KDM3B: variants seen among roughly 807,000 people sequenced by gnomAD.
KDM3B encodes lysine demethylase 3B, also known as lysine-specific demethylase 3B.
A neutral mutation model predicts 170.0 loss-of-function variants in KDM3B; 10 were observed. The ratio of observed to expected loss-of-function variants is 0.06; its 90% CI spans 0.04 to 0.10. KDM3B has a LOEUF of 0.10. KDM3B is among the 10% of genes least tolerant of loss of function. The pLI is 1.00. For missense variants in KDM3B, 1,394 were observed against 2,195.2 expected (o/e 0.64, Z 7.29); for synonymous variants, 831 against 834.8 (o/e 1.00, Z 0.08).
intron 9 of KDM3B, among the ~76,000 whole-genome samples, chr5:138,394,834 G>A (rs1762511079): frequency 6.6e-6 from 1 of 152,228 alleles, no homozygotes; most frequent in Admixed American, 6.5e-5. Flanking sequence ...CAGAAGCAGA[G>A]AAGTTAGGAG....
chr5:138,363,664 A>G (rs1197912141), intron 1 of KDM3B, among the ~76,000 whole-genome samples: 8 of 152,098 alleles, frequency 5.3e-5, no homozygotes, highest in African/African-American at 1.7e-4. Flanking sequence ...CTCCTGCCTC[A>G]GCCTCCTGAG....
At chr5:138,370,871 C>T (rs1467872254) in intron 1 of KDM3B, among the ~76,000 whole-genome samples, 1 of 151,774 alleles carries the variant, frequency 6.6e-6, no homozygotes, top group African/African-American at 2.4e-5. Flanking sequence ...TGCAGTGGCA[C>T]GATCTCAGCT....
At position 138,391,206 on chromosome 5, in the gene KDM3B, T is replaced by G; in HGVS notation, c.1574T>G (p.Leu525Trp). The G allele has an allele frequency of 6.2e-7, 1 of 1,614,074 alleles. No individual in the cohort carries two copies. Among genetic ancestry groups the G allele is most frequent in the Non-Finnish European group, 8.5e-7 (1 of 1,179,958 alleles). Residue 525 changes from leucine (L) to tryptophan (W), a missense_variant, in exon 8 of 24, where the codon TTG (leucine) becomes TGG (tryptophan). Around this residue, in one of 19 missense-constraint regions of KDM3B, gnomAD observed 294 missense variants for 311.7 expected, o/e 0.94. Coordinates refer to ENST00000314358, the MANE Select transcript of KDM3B (RefSeq NM_016604.4). This position sits in a 1 kb window ranked among gnomAD's most constrained non-coding sequence, Gnocchi z 5.0. ...AQKDTDLSKN[L>W]FFQCMSQTLP... ...AAAGACACTGATCTCTCCAAAAACT[T>G]GTTTTTTCAATGCATGTCCCAAACT...
chr5:138,361,112 G>C (rs1004255496), intron 1 of KDM3B, among the ~76,000 whole-genome samples: 1 of 152,128 alleles, frequency 6.6e-6, no homozygotes, highest in African/African-American at 2.4e-5. Context: ...TTCTATATAG[G>C]CTTTGCTTCC....
At chr5:138,405,169 A>G (rs1003232272) in intron 11 of KDM3B, among the ~76,000 whole-genome samples, 3 of 151,492 alleles carry the variant, frequency 2.0e-5, no homozygotes, top group Non-Finnish European at 4.4e-5. Context: ...TCAGCCTCCC[A>G]AGTAGCTGGG....
At chr5:138,428,261 T>G (rs1272460794) in intron 20 of KDM3B, among the ~76,000 whole-genome samples, 175 bp downstream of exon 20, 1 of 151,442 alleles carries the variant, frequency 6.6e-6, no homozygotes, top group Non-Finnish European at 1.5e-5. Flanking sequence ...CAGGCTAGAG[T>G]GCAGAGGTGC....
chr5:138,395,052 C>T (rs960910724), intron 9 of KDM3B, among the ~76,000 whole-genome samples: 6 of 152,106 alleles, frequency 3.9e-5, no homozygotes, highest in African/African-American at 2.4e-5. Context: ...TTGCCATTTA[C>T]TGATAAAGAG....
chr5:138,386,616 G>T lies in KDM3B; in HGVS notation c.1375G>T (p.Gly459Ter). 6.2e-7 allele frequency: 1 copy of T among 1,608,926 alleles called. No homozygotes were observed. Among genetic ancestry groups the T allele is most frequent in the South Asian group, 1.1e-5 (1 of 90,964 alleles). ...GAAAGGCAGCCGGTCGCAGGCCTCG[G>T]GAGAGGTGAGTTACTTCAGGGGCAG... ...KQKGSRSQAS[G>*]ENSRNSILAS... Residue 459 changes from glycine to a stop codon, truncating the protein, a stop_gained, in exon 7 of 24, where the codon GGA (glycine) becomes TGA (stop). Coordinates refer to ENST00000314358, the MANE Select transcript of KDM3B (RefSeq NM_016604.4). LOFTEE classifies it high-confidence loss of function.
intron 22 of KDM3B, among the ~76,000 whole-genome samples, chr5:138,431,009 T>C (rs1763517934): frequency 6.6e-6 from 1 of 152,276 alleles, no homozygotes; most frequent in Admixed American, 6.5e-5. Context: ...ATCTAGTTTC[T>C]TTCCTCAGAG....
chr5:138,431,442 T>C lies in KDM3B; in HGVS notation c.5088T>C (p.Ser1696=), dbSNP rs763372192. 1.2e-5 allele frequency: 20 copies of C among 1,609,846 alleles called. No homozygotes were observed. In the South Asian group the frequency reaches 1.9e-4, roughly 15 times the overall value. ...GAPHQVHNLY[S]CIKVAEDFVS... ...CTTCTCAGGTTCACAATCTATACAGTTGCATAAAAGTAGCAGAAGACTTTG... is the reference window on the plus strand; with the variant it reads ...CTTCTCAGGTTCACAATCTATACAGCTGCATAAAAGTAGCAGAAGACTTTG... Residue 1696 remains serine (S), a synonymous_variant, in exon 23 of 24, where the codon AGT becomes AGC. Transcript: ENST00000314358.
At chr5:138,393,537 T>C (rs748576599) in intron 9 of KDM3B, among the ~76,000 whole-genome samples, 165 bp downstream of exon 9, 7 of 152,240 alleles carry the variant, frequency 4.6e-5, no homozygotes, top group Non-Finnish European at 7.3e-5. Flanking sequence ...AGTCACTTAG[T>C]TGTTTGGATT....
chr5:138,415,308 A>G, intron 12 of KDM3B, 69 bp downstream of exon 12: 1 of 943,372 alleles, frequency 1.1e-6, no homozygotes, highest in South Asian at 1.7e-5. Flanking sequence ...ACACCATAAA[A>G]TTTTTTGAAA....
At chr5:138,366,978 T>C (rs1761762314) in intron 1 of KDM3B, among the ~76,000 whole-genome samples, 3 of 152,214 alleles carry the variant, frequency 2.0e-5, no homozygotes, top group Admixed American at 2.0e-4. Flanking sequence ...CCCAGAACAC[T>C]TGATCTGCGT....
chr5:138,354,603 G>A (rs1580868156), intron 1 of KDM3B, among the ~76,000 whole-genome samples: 1 of 152,130 alleles, frequency 6.6e-6, no homozygotes, highest in South Asian at 2.1e-4. Flanking sequence ...TCACTTTGTC[G>A]TTTGCTGTGC....
chr5:138,367,780 C>T (rs554740386), intron 1 of KDM3B, among the ~76,000 whole-genome samples: 14 of 152,084 alleles, frequency 9.2e-5, no homozygotes, highest in African/African-American at 2.4e-4. Context: ...TTTGGGAGGC[C>T]GAGGCAGGTG....
intron 1 of KDM3B, among the ~76,000 whole-genome samples, chr5:138,357,669 G>C (rs929358040): frequency 4.0e-5 from 6 of 151,572 alleles, no homozygotes; most frequent in African/African-American, 1.5e-4. Context: ...CAACATTTTT[G>C]TTTATTTTTA....
intron 14 of KDM3B, among the ~76,000 whole-genome samples, chr5:138,419,594 G>T (rs564587453): frequency 6.9e-6 from 1 of 144,548 alleles, no homozygotes; most frequent in Non-Finnish European, 1.5e-5. Context: ...GGCACAGCCT[G>T]CAGTGAGCCA....
At chr5:138,409,286 C>G (rs997329289) in intron 11 of KDM3B, among the ~76,000 whole-genome samples, 13 of 151,574 alleles carry the variant, frequency 8.6e-5, no homozygotes, top group Non-Finnish European at 1.9e-4. Context: ...ACATGATCAT[C>G]TATGTAGAAA....
At chr5:138,419,728 T>TAC (rs144047213) in intron 14 of KDM3B, among the ~76,000 whole-genome samples, 8,365 of 122,016 alleles carry the variant, frequency 0.069, 311 homozygotes, top group East Asian at 0.11. Context: ...TACACACACA[T>TAC]ACACACACAC....
Sources: gnomAD v4.1 joint callset for allele counts (sites outside exome capture counted in the v4.1 genomes callset) on GRCh38, gnomAD v4.1.1 for gene constraint, gnomAD v4.1.1 regional missense constraint, Gnocchi (gnomAD v3.1) non-coding constraint, MANE v1.5 for transcripts, NCBI Gene and HGNC (gene_info 2026-07-23, HGNC 2026-07-21) for gene names.